Variants in C2orf76 observed in about 807,000 individuals in gnomAD.
C2orf76 encodes chromosome 2 open reading frame 76, also known as UPF0538 protein C2orf76.
Under a neutral mutation model 16.9 loss-of-function variants are expected in C2orf76, and 23 were observed. The observed-to-expected ratio is 1.36, with a 90% confidence interval of 0.98 to 1.93. The LOEUF (loss-of-function observed/expected upper bound fraction) is 1.93. C2orf76 is among the 30% of genes most tolerant of loss of function. The pLI is 0.00. For synonymous variants in C2orf76, 48 were observed against 52.3 expected (o/e 0.92, Z 0.35); for missense variants, 152 against 152.6 (o/e 1.00, Z 0.02).
At chr2:119,301,548 G>T (rs569177324), downstream of C2orf76, among the ~76,000 whole-genome samples, 1 of 151,422 alleles carries the variant, frequency 6.6e-6, no homozygotes, top group African/African-American at 2.4e-5. Context: ...CACTCAGGGA[G>T]CAATGGCAGA....
chr2:119,349,248 C>T lies in C2orf76; in HGVS notation c.-12-9277G>A, dbSNP rs148155897. ...TATTTCCAGTATACTTGTATTTTCA[C>T]TTTTCTGATATATGTGTATGCATCA... On this transcript the variant is annotated intron_variant, in intron 1 of 5. Coordinates refer to ENST00000334816, the MANE Select transcript of C2orf76 (RefSeq NM_001322331.2). 1.6e-3 allele frequency among the ~76,000 whole-genome samples: 243 copies of T among 152,270 alleles called. 2 individuals carry two copies. The highest frequency in any genetic ancestry group is 5.6e-3 in the African/African-American group (231 of 41,538).
chr2:119,286,256 A>T, the C2orf76 span, among the ~76,000 whole-genome samples: 1 of 146,030 alleles, frequency 6.8e-6, no homozygotes, highest in Non-Finnish European at 1.5e-5. Flanking sequence ...AAGCAAGGCC[A>T]CAGTGTGTGA....
At chr2:119,354,516 C>G (rs1185961826) in intron 1 of C2orf76, among the ~76,000 whole-genome samples, 1 of 152,174 alleles carries the variant, frequency 6.6e-6, no homozygotes, top group Non-Finnish European at 1.5e-5. Context: ...GTGTGAGGCT[C>G]TGTCTCAAAA....
intron 1 of C2orf76, among the ~76,000 whole-genome samples, chr2:119,358,051 T>G (rs1007618138): frequency 2.0e-5 from 3 of 152,132 alleles, no homozygotes; most frequent in Non-Finnish European, 2.9e-5. Context: ...TGCACAATAA[T>G]ATTGAAATTA....
chr2:119,336,212 G>A (rs1360384311), intron 2 of C2orf76, among the ~76,000 whole-genome samples: 3 of 151,788 alleles, frequency 2.0e-5, no homozygotes, highest in African/African-American at 7.3e-5. Flanking sequence ...CTACCAACAT[G>A]GTGAAACCCC....
chr2:119,331,690 T>C (rs1228959816), intron 2 of C2orf76, among the ~76,000 whole-genome samples: 2 of 152,200 alleles, frequency 1.3e-5, no homozygotes, highest in African/African-American at 2.4e-5. Flanking sequence ...GGCACAATCA[T>C]AGGGGTCACC....
At chr2:119,357,396 T>C (rs143383330) in intron 1 of C2orf76, among the ~76,000 whole-genome samples, 2 of 152,186 alleles carry the variant, frequency 1.3e-5, no homozygotes, top group Non-Finnish European at 2.9e-5. Context: ...GCAAGGTTAG[T>C]TTAATATTTG....
At position 119,336,011 on chromosome 2, in the gene C2orf76, G is replaced by T. The variant is rs78839323; in HGVS notation, c.133+3816C>A. Among the ~76,000 whole-genome samples, 614 of 152,206 alleles carry T rather than the reference G, an allele frequency of 4.0e-3. 7 individuals are homozygous for T. Among genetic ancestry groups the T allele is most frequent in the Middle Eastern group, 0.014 (4 of 292 alleles). On this transcript the variant is annotated intron_variant, in intron 2 of 5. Coordinates refer to ENST00000334816, the MANE Select transcript of C2orf76 (RefSeq NM_001322331.2). ...ATAATTTTATGTTATCTAGATAATT[G>T]GTTTGTCTAGTATTCTGAATCTAAA...
chr2:119,359,658 G>C (rs1448495681), intron 1 of C2orf76, among the ~76,000 whole-genome samples: 1 of 152,192 alleles, frequency 6.6e-6, no homozygotes. Context: ...GAAATAGCAA[G>C]ACAACTAGAA....
At chr2:119,296,774 G>A in the C2orf76 span, among the ~76,000 whole-genome samples, 2 of 152,214 alleles carry the variant, frequency 1.3e-5, no homozygotes, top group African/African-American at 4.8e-5. Context: ...GGGCCCAAGT[G>A]TTCCTTTGGC....
chr2:119,335,101 T>C (rs1291522448), intron 2 of C2orf76, among the ~76,000 whole-genome samples: 1 of 152,206 alleles, frequency 6.6e-6, no homozygotes, highest in Non-Finnish European at 1.5e-5. Flanking sequence ...GAAAGATCAG[T>C]AAGAACTCAC....
At chr2:119,330,654 T>C (rs2104584242) in intron 2 of C2orf76, among the ~76,000 whole-genome samples, 1 of 152,256 alleles carries the variant, frequency 6.6e-6, no homozygotes, top group South Asian at 2.1e-4. Flanking sequence ...ATATCTTCTG[T>C]CCCCCGTCCC....
chr2:119,339,654 G>A (rs758876944), intron 2 of C2orf76, among the ~76,000 whole-genome samples, 173 bp downstream of exon 2: 44 of 152,012 alleles, frequency 2.9e-4, no homozygotes, highest in Non-Finnish European at 5.1e-4. Flanking sequence ...GAATCCTTGA[G>A]GGAGGCCCTC....
chr2:119,292,239 G>T, the C2orf76 span, among the ~76,000 whole-genome samples: 1 of 152,096 alleles, frequency 6.6e-6, no homozygotes, highest in Admixed American at 6.5e-5. Flanking sequence ...TTGTACAGTT[G>T]TACAATCCAC....
At chr2:119,282,910 G>T in the C2orf76 span, among the ~76,000 whole-genome samples, 1 of 152,232 alleles carries the variant, frequency 6.6e-6, no homozygotes, top group Non-Finnish European at 1.5e-5. Context: ...CAAAACTCAA[G>T]GCTGCGGGGG....
At chr2:119,311,162 G>A in intron 5 of C2orf76, 3 of 985,448 alleles carry the variant, frequency 3.0e-6, no homozygotes, top group Non-Finnish European at 3.6e-6. Flanking sequence ...CACACACCAG[G>A]TTCCTATTTT....
intron 2 of C2orf76, among the ~76,000 whole-genome samples, chr2:119,337,403 T>C (rs984530975): frequency 6.6e-6 from 1 of 152,134 alleles, no homozygotes; most frequent in Non-Finnish European, 1.5e-5. Context: ...GTTCCTTAGT[T>C]TCTTCACCTG....
Position 119,341,396 on chromosome 2 carries a change from C to T in C2orf76, c.-12-1425G>A, listed in dbSNP as rs984918032. ...CATTAGATCATCGACTGCCCACTCA[C>T]CTCCAATCACCCTGTGAGGTTGGTA... On this transcript the variant is annotated intron_variant, in intron 1 of 5. Transcript: ENST00000334816. Among the ~76,000 whole-genome samples the T allele has an allele frequency of 2.4e-4, 37 of 152,180 alleles. 1 individual carries two copies. The highest frequency in any genetic ancestry group is 9.8e-4 in the Admixed American group (15 of 15,286).
At chr2:119,339,650 T>C (rs1558790282) in intron 2 of C2orf76, among the ~76,000 whole-genome samples, 177 bp downstream of exon 2, 1 of 151,644 alleles carries the variant, frequency 6.6e-6, no homozygotes. Context: ...GTGAGAATCC[T>C]TGAGGGAGGC....
Sources: gnomAD v4.1 joint callset for allele counts (sites outside exome capture counted in the v4.1 genomes callset) on GRCh38, gnomAD v4.1.1 for gene constraint, MANE v1.5 for transcripts, NCBI Gene and HGNC (gene_info 2026-07-23, HGNC 2026-07-21) for gene names.